EPB41L3: variants seen among roughly 807,000 people sequenced by gnomAD.
EPB41L3 encodes the protein erythrocyte membrane protein band 4.1 like 3, also known as band 4.1-like protein 3.
In EPB41L3, 57 loss-of-function variants were observed where a neutral mutation model predicts 127.1. The ratio of observed to expected loss-of-function variants is 0.45; its 90% confidence interval spans 0.36 to 0.56. The LOEUF (loss-of-function observed/expected upper bound fraction) is 0.56, where lower values mean the gene tolerates loss of function less well. Among genes scored for constraint, EPB41L3 ranks in the 20% least tolerant of loss-of-function variants. The pLI is 0.00. For missense variants in EPB41L3, 1,273 were observed against 1,372.2 expected, an observed-to-expected ratio of 0.93 and a Z score of 1.14; for synonymous variants, 572 against 549.5, an observed-to-expected ratio of 1.04 and a Z score of -0.57.
chr18:5,437,276 C>T (rs1289735729), intron 6 of EPB41L3, among the ~76,000 whole-genome samples: 1 of 152,056 alleles, frequency 6.6e-6, no homozygotes, highest in Non-Finnish European at 1.5e-5. Context: ...AGAGAGAGAC[C>T]CCCTCACCCT....
At chr18:5,427,210 C>T (rs1312392484) in intron 9 of EPB41L3, among the ~76,000 whole-genome samples, 5 of 151,916 alleles carry the variant, frequency 3.3e-5, no homozygotes, top group African/African-American at 7.3e-5. Flanking sequence ...CCAAGAAACT[C>T]CAGTAGAGAA....
At chr18:5,455,944 C>T (rs551564586) in intron 3 of EPB41L3, among the ~76,000 whole-genome samples, 7 of 152,016 alleles carry the variant, frequency 4.6e-5, no homozygotes, top group South Asian at 2.1e-4. Flanking sequence ...ACCTGAATCA[C>T]GTAAAATAAT....
intron 1 of EPB41L3, among the ~76,000 whole-genome samples, chr18:5,627,429 T>C (rs1011563386): frequency 1.3e-5 from 2 of 152,206 alleles, no homozygotes; most frequent in African/African-American, 2.4e-5. Context: ...AAAGGGACTT[T>C]AACCATGCAA....
At chr18:5,593,478 G>A (rs12185436) in intron 3 of EPB41L3, among the ~76,000 whole-genome samples, 42,979 of 151,988 alleles carry the variant, frequency 0.28, 6,219 homozygotes, top group East Asian at 0.41. Context: ...CAGAGATCAC[G>A]TGCTTCACAA....
intron 3 of EPB41L3, among the ~76,000 whole-genome samples, chr18:5,552,771 C>T (rs918887165): frequency 6.6e-6 from 1 of 152,158 alleles, no homozygotes; most frequent in Non-Finnish European, 1.5e-5. Flanking sequence ...TATTATTACC[C>T]TTATTTTCAA....
chr18:5,469,783 T>G lies in EPB41L3; in HGVS notation c.381+8458A>C, dbSNP rs1055876438. On this transcript the variant is annotated intron_variant, in intron 3 of 22. Coordinates refer to ENST00000341928, the MANE Select transcript of EPB41L3 (RefSeq NM_012307.5). ...GCTGTTGTAGAATGAATTTTTTTTT[T>G]TTTTTTTTGAGATGGAGTCTTGCTC... Among the ~76,000 whole-genome samples, 32 of 151,568 alleles carry G rather than the reference T, an allele frequency of 2.1e-4. 1 individual carries two copies. Among genetic ancestry groups the G allele is most frequent in the Non-Finnish European group, 7.4e-5 (5 of 67,830 alleles).
chr18:5,590,952 T>C (rs2094480218), intron 3 of EPB41L3, among the ~76,000 whole-genome samples: 1 of 152,076 alleles, frequency 6.6e-6, no homozygotes, highest in African/African-American at 2.4e-5. Flanking sequence ...TGGGAGTTTT[T>C]TATGGTGATG....
intron 3 of EPB41L3, among the ~76,000 whole-genome samples, chr18:5,452,410 T>C (rs1365078962): frequency 6.6e-6 from 1 of 151,570 alleles, no homozygotes; most frequent in Non-Finnish European, 1.5e-5. Flanking sequence ...GGTCTCACTC[T>C]GTCACCCTGG....
chr18:5,551,263 G>A (rs953538007), intron 3 of EPB41L3, among the ~76,000 whole-genome samples: 4 of 152,168 alleles, frequency 2.6e-5, no homozygotes, highest in African/African-American at 9.7e-5. Flanking sequence ...AGAGCACCAA[G>A]TAATATCTGA....
chr18:5,614,328 A>C (rs2094766200), intron 2 of EPB41L3: 1 of 152,206 alleles, frequency 6.6e-6, no homozygotes, highest in Admixed American at 6.5e-5. Context: ...ACATGATCAG[A>C]TGCATATCTG....
chr18:5,394,591 G>T, intron 22 of EPB41L3, 86 bp downstream of exon 22: 1 of 947,610 alleles, frequency 1.1e-6, no homozygotes, highest in Non-Finnish European at 1.7e-6. Flanking sequence ...ACAGAGGAAA[G>T]GAGGGATCAG....
chr18:5,583,835 T>C (rs2094418046), intron 3 of EPB41L3, among the ~76,000 whole-genome samples: 1 of 152,296 alleles, frequency 6.6e-6, no homozygotes, highest in African/African-American at 2.4e-5. Context: ...GTTTTCGGAG[T>C]TTCACTCTTG....
intron 16 of EPB41L3, among the ~76,000 whole-genome samples, chr18:5,404,348 A>C (rs535068386): frequency 6.6e-6 from 1 of 152,212 alleles, no homozygotes; most frequent in East Asian, 1.9e-4. Context: ...CTACAAAACA[A>C]CCCTGCAGAC....
chr18:5,465,431 T>C (rs1217118500), intron 3 of EPB41L3, among the ~76,000 whole-genome samples: 7 of 152,218 alleles, frequency 4.6e-5, no homozygotes, highest in Non-Finnish European at 7.3e-5. Context: ...GTGTCTTATA[T>C]ATTATTAGGC....
chr18:5,608,096 T>C (rs1010838285), intron 3 of EPB41L3, among the ~76,000 whole-genome samples: 1 of 152,164 alleles, frequency 6.6e-6, no homozygotes, highest in Non-Finnish European at 1.5e-5. Context: ...AAAAGGTTCC[T>C]GTATCATCAG....
chr18:5,433,588 C>T (rs2079302725), intron 7 of EPB41L3, 32 bp from the exon 8 acceptor site: 7 of 1,569,426 alleles, frequency 4.5e-6, no homozygotes, highest in South Asian at 1.1e-5. Flanking sequence ...TACAATGATG[C>T]TTTTCCCTTC....
intron 1 of EPB41L3, among the ~76,000 whole-genome samples, chr18:5,492,148 T>G (rs143258025): frequency 5.9e-5 from 9 of 152,232 alleles, no homozygotes; most frequent in African/African-American, 2.2e-4. Flanking sequence ...GGTAAAACCC[T>G]GTCTCTACTA....
intron 1 of EPB41L3, among the ~76,000 whole-genome samples, chr18:5,527,396 T>A (rs975686320): frequency 2.6e-5 from 4 of 152,196 alleles, no homozygotes; most frequent in African/African-American, 4.8e-5. Flanking sequence ...CTAAATAAAA[T>A]GTTAAAGACT....
intron 3 of EPB41L3, among the ~76,000 whole-genome samples, chr18:5,450,995 T>TA (rs1366453290): frequency 6.6e-6 from 1 of 152,194 alleles, no homozygotes; most frequent in Non-Finnish European, 1.5e-5. Context: ...ATTTTTTTTT[T>TA]ACATGTGTGA....
Sources: allele counts gnomAD v4.1 joint callset (sites outside exome capture counted in the v4.1 genomes callset), GRCh38; gene constraint gnomAD v4.1.1; transcripts MANE v1.5; gene names NCBI Gene and HGNC (gene_info 2026-07-23, HGNC 2026-07-21).